Variants in MGAT4C observed in about 807,000 individuals in gnomAD.
MGAT4C encodes MGAT4 family member C.
Under a neutral mutation model 40.1 loss-of-function variants are expected in MGAT4C, and 19 were observed. The ratio of observed to expected loss-of-function variants is 0.47; its 90% CI spans 0.33 to 0.70. The LOEUF is 0.70. Among genes scored for constraint, MGAT4C ranks in the 30% least tolerant of loss-of-function variants. The pLI, the probability that MGAT4C is intolerant of heterozygous loss-of-function variation, is 0.02. For synonymous variants in MGAT4C, 181 were observed against 187.1 expected, an observed-to-expected ratio of 0.97 and a Z score of 0.27; for missense variants, 491 against 563.2, an observed-to-expected ratio of 0.87 and a Z score of 1.30.
Position 85,957,868 on chromosome 12 carries a change from T to C in MGAT4C, c.*21421A>G, listed in dbSNP as rs1882894379. 1 of 152,072 alleles carries C rather than the reference T, an allele frequency of 6.6e-6. No individual in the cohort carries two copies. The highest frequency in any genetic ancestry group is 1.5e-5 in the Non-Finnish European group (1 of 68,008). 9.4% of individuals were successfully genotyped at this position (152,072 alleles called of 1,614,324 possible). The stretch of plus-strand genomic sequence containing the variant: ...GGGAACCACCTTTATTTATTGGCTT[T>C]TGTTGCTTTTTCTCCAAGAAAATTT... On this transcript the variant is annotated 3_prime_UTR_variant, in exon 5 of 5. Transcript: ENST00000611864.
chr12:86,197,719 T>C (rs1949874709), intron 1 of MGAT4C, among the ~76,000 whole-genome samples: 2 of 152,182 alleles, frequency 1.3e-5, no homozygotes, highest in African/African-American at 2.4e-5. Context: ...CGTAGATATA[T>C]AGAGAGATGA....
At position 85,975,682 on chromosome 12, in the gene MGAT4C, T is replaced by G. The variant is rs1261915560; in HGVS notation, c.*3607A>C. On this transcript the variant is annotated 3_prime_UTR_variant, in exon 5 of 5. Coordinates refer to ENST00000611864, the MANE Select transcript of MGAT4C (RefSeq NM_001351288.2). Reference sequence around the variant, plus strand: ...GAAGCAAGATCTAGAAAGTTTGGGATCATGAATCAAAAGAAACAGGATAAA... The same window carrying G: ...GAAGCAAGATCTAGAAAGTTTGGGAGCATGAATCAAAAGAAACAGGATAAA... 6.6e-6 allele frequency: 1 copy of G among 150,838 alleles called. No homozygotes were observed. Among genetic ancestry groups the G allele is most frequent in the Non-Finnish European group, 1.5e-5 (1 of 67,096 alleles). 9.3% of individuals were successfully genotyped at this position (150,838 alleles called of 1,614,324 possible).
At chr12:86,505,131 G>C (rs1292421837) in intron 2 of MGAT4C, among the ~76,000 whole-genome samples, 1 of 151,926 alleles carries the variant, frequency 6.6e-6, no homozygotes, top group South Asian at 2.1e-4. Context: ...GGGATTTAAA[G>C]TATAATTCCT....
rs375923094 is a variant in MGAT4C, at chr12:86,828,516, G to C, written c.-262+10150C>G. Among the ~76,000 whole-genome samples, 6 of 151,348 alleles carry C rather than the reference G, an allele frequency of 4.0e-5. No homozygotes were observed. In the South Asian group the frequency reaches 1.2e-3, roughly 31 times the overall value. On this transcript the variant is annotated intron_variant, in intron 1 of 7. Transcript: ENST00000548651. ...ACAGAGTAAATTAATTTGAACATTAGTTGGTTTTGAAACACACATTCATAA... is the reference window on the plus strand; with the variant it reads ...ACAGAGTAAATTAATTTGAACATTACTTGGTTTTGAAACACACATTCATAA...
chr12:86,494,332 T>A (rs1422727263), intron 2 of MGAT4C, among the ~76,000 whole-genome samples: 2 of 151,972 alleles, frequency 1.3e-5, no homozygotes, highest in Non-Finnish European at 2.9e-5. Context: ...TCAAATTTTA[T>A]TTGATAAAAG....
At position 86,635,511 on chromosome 12, in the gene MGAT4C, T is replaced by A. The variant is rs1040200989; in HGVS notation, c.-229+91698A>T. Among the ~76,000 whole-genome samples, 3 of 152,204 alleles carry A rather than the reference T, an allele frequency of 2.0e-5. No homozygotes were observed. In the South Asian group the frequency reaches 6.2e-4, roughly 32 times the overall value. Reference sequence around the variant, plus strand: ...CCGAATGCTTCTCCTCAGTGTTTCATAAGTAGAATTATGTCTCATTCTCTC... The same window carrying A: ...CCGAATGCTTCTCCTCAGTGTTTCAAAAGTAGAATTATGTCTCATTCTCTC... On this transcript the variant is annotated intron_variant, in intron 2 of 7. Transcript: ENST00000548651.
At chr12:86,584,057 G>A (rs1352441766) in intron 2 of MGAT4C, among the ~76,000 whole-genome samples, 1 of 150,652 alleles carries the variant, frequency 6.6e-6, no homozygotes, top group African/African-American at 2.4e-5. Flanking sequence ...TAACAAGGAC[G>A]ATATATAAAA....
chr12:86,708,153 G>T (rs1950495785), intron 2 of MGAT4C, among the ~76,000 whole-genome samples: 1 of 152,176 alleles, frequency 6.6e-6, no homozygotes. Flanking sequence ...CAGGCCCAGG[G>T]TCCCCATGCT....
In MGAT4C at chr12:86,438,151, C is replaced by A. The variant is rs1190315697; in HGVS notation, c.-228-2886G>T. Among the ~76,000 whole-genome samples the A allele has an allele frequency of 2.0e-5, 3 of 151,972 alleles. 1 individual carries two copies. In the Middle Eastern group the frequency reaches 0.01, roughly 517 times the overall value. ...AGGAAAAGTTCTTAAAAGTGCTAGT[C>A]CAGTGAAAACATGAATGATAAGAAA... On this transcript the variant is annotated intron_variant, in intron 2 of 7. Coordinates refer to the MGAT4C transcript ENST00000548651.
At chr12:86,554,755 C>T (rs1959528613) in intron 2 of MGAT4C, among the ~76,000 whole-genome samples, 1 of 152,128 alleles carries the variant, frequency 6.6e-6, no homozygotes, top group Non-Finnish European at 1.5e-5. Flanking sequence ...CTTTCTATTG[C>T]TGCTATAACA....
chr12:86,078,860 G>A (rs11117183), intron 1 of MGAT4C, among the ~76,000 whole-genome samples: 2,162 of 152,332 alleles, frequency 0.014, 25 homozygotes, highest in Middle Eastern at 0.037. Context: ...GTCACCCATT[G>A]AGGAGCACTC....
At chr12:86,614,574 CTG>C (rs1197218890) in intron 2 of MGAT4C, among the ~76,000 whole-genome samples, 1 of 151,822 alleles carries the variant, frequency 6.6e-6, no homozygotes, top group Non-Finnish European at 1.5e-5. Context: ...TAACAGAAAA[CTG>C]TATAAATTTA....
chr12:86,451,298 T>G (rs1004740924), intron 2 of MGAT4C, among the ~76,000 whole-genome samples: 1 of 152,194 alleles, frequency 6.6e-6, no homozygotes, highest in Admixed American at 6.5e-5. Context: ...TCTACCTCCA[T>G]GATTGAAACC....
At chr12:86,613,508 C>T (rs1962351801) in intron 2 of MGAT4C, among the ~76,000 whole-genome samples, 1 of 152,084 alleles carries the variant, frequency 6.6e-6, no homozygotes, top group African/African-American at 2.4e-5. Context: ...CCACTTTCTA[C>T]AAGCAAGAGG....
At chr12:86,488,421 T>C (rs1192197676) in intron 2 of MGAT4C, among the ~76,000 whole-genome samples, 1 of 150,144 alleles carries the variant, frequency 6.7e-6, no homozygotes, top group Non-Finnish European at 1.5e-5. Context: ...GGTGAGACCC[T>C]GTCTCAAAAA....
chr12:86,111,995 C>T (rs1330486551), intron 1 of MGAT4C, among the ~76,000 whole-genome samples: 1 of 151,722 alleles, frequency 6.6e-6, no homozygotes, highest in Non-Finnish European at 1.5e-5. Flanking sequence ...TATGTATGTA[C>T]ATGTGTATAC....
At chr12:86,581,090 T>A (rs1256014723) in intron 2 of MGAT4C, among the ~76,000 whole-genome samples, 1 of 151,410 alleles carries the variant, frequency 6.6e-6, no homozygotes, top group African/African-American at 2.4e-5. Context: ...ACAAGTTTTC[T>A]TAGTATTAAT....
chr12:86,526,960 A>G (rs2085408328), intron 2 of MGAT4C, among the ~76,000 whole-genome samples: 1 of 152,176 alleles, frequency 6.6e-6, no homozygotes, highest in Non-Finnish European at 1.5e-5. Context: ...GTTGGGGGCC[A>G]GGAACGAGTC....
chr12:86,522,878 GT>G (rs972548538), intron 2 of MGAT4C, among the ~76,000 whole-genome samples: 1 of 152,038 alleles, frequency 6.6e-6, no homozygotes, highest in Non-Finnish European at 1.5e-5. Flanking sequence ...AGATTTTCAA[GT>G]TTATGTTCAT....
Sources: allele counts gnomAD v4.1 joint callset (sites outside exome capture counted in the v4.1 genomes callset), GRCh38; gene constraint gnomAD v4.1.1; transcripts MANE v1.5; gene names NCBI Gene and HGNC (gene_info 2026-07-23, HGNC 2026-07-21).